The following SMG6 variants were observed in gnomAD, a reference collection of about 807,000 sequenced individuals.
The protein encoded by SMG6 is telomerase-binding protein EST1A.
SMG6 carries 66 observed loss-of-function variants against 142.2 expected under a neutral mutation model. The observed-to-expected ratio is 0.46, with a 90% CI of 0.38 to 0.57. The LOEUF (loss-of-function observed/expected upper bound fraction) is 0.57, where lower values mean the gene tolerates loss of function less well. Ranked by LOEUF, SMG6 falls within the 20% of genes least tolerant of loss-of-function variation. The probability of loss-of-function intolerance (pLI) is 0.00; values close to 1 mark genes in which losing one functional copy is unlikely to be tolerated. For synonymous variants in SMG6, 779 were observed against 702.4 expected, an observed-to-expected ratio of 1.11 and a Z score of -1.72; for missense variants, 1,793 against 1,832.0, an observed-to-expected ratio of 0.98 and a Z score of 0.39.
intron 10 of SMG6, among the ~76,000 whole-genome samples, chr17:2,235,348 A>G (rs1320387098): frequency 6.6e-6 from 1 of 152,190 alleles, no homozygotes; most frequent in South Asian, 2.1e-4. Context: ...GAACCCAGAC[A>G]CACTCTGAGA....
intron 13 of SMG6, among the ~76,000 whole-genome samples, chr17:2,138,169 G>A (rs2070365706): frequency 6.6e-6 from 1 of 151,804 alleles, no homozygotes; most frequent in African/African-American, 2.4e-5. Flanking sequence ...AAAACACCCT[G>A]GAATTTCAGA....
intron 1 of SMG6, chr17:2,302,937 G>A (rs1408639954): frequency 1.1e-5 from 11 of 982,972 alleles, no homozygotes; most frequent in Non-Finnish European, 1.3e-5. Context: ...CCTAGAGAAG[G>A]CACCTATCAC....
chr17:2,247,462 C>A (rs903572728), intron 8 of SMG6, among the ~76,000 whole-genome samples: 3 of 152,126 alleles, frequency 2.0e-5, no homozygotes, highest in Admixed American at 1.3e-4. Flanking sequence ...CTATTTATAT[C>A]CTAAGTCTTT....
intron 8 of SMG6, among the ~76,000 whole-genome samples, chr17:2,252,922 G>GA (rs149268903): frequency 5.7e-4 from 82 of 145,060 alleles, no homozygotes; most frequent in Admixed American, 1.8e-3. Context: ...TTTAATGGCT[G>GA]AAAAAAAAAA....
intron 10 of SMG6, among the ~76,000 whole-genome samples, chr17:2,189,115 C>G (rs1050022753): frequency 1.5e-4 from 23 of 152,138 alleles, no homozygotes. Flanking sequence ...CAGAACAGTG[C>G]TTGGCACATA....
At chr17:2,065,218 A>C in intron 17 of SMG6, 64 bp from the exon 18 acceptor site, 1 of 1,359,434 alleles carries the variant, frequency 7.4e-7, no homozygotes, top group Non-Finnish European at 1.0e-6. Flanking sequence ...GAGGAGGAGG[A>C]GGGATCCTCT....
chr17:2,218,251 A>T (rs1257120628), intron 10 of SMG6, among the ~76,000 whole-genome samples: 7 of 151,860 alleles, frequency 4.6e-5, no homozygotes, highest in African/African-American at 1.7e-4. Flanking sequence ...TTAGTAAAAA[A>T]ATAAGATAAC....
chr17:2,174,208 G>A (rs1019248656), intron 12 of SMG6, among the ~76,000 whole-genome samples: 1 of 152,160 alleles, frequency 6.6e-6, no homozygotes, highest in Non-Finnish European at 1.5e-5. Flanking sequence ...AGACCAGCCT[G>A]GGCAACACAG....
intron 13 of SMG6, among the ~76,000 whole-genome samples, chr17:2,092,088 C>T (rs1253813911): frequency 1.3e-5 from 2 of 151,868 alleles, no homozygotes; most frequent in Admixed American, 1.3e-4. Flanking sequence ...CGGGTTGAAG[C>T]GATTCTCCTG....
intron 13 of SMG6, among the ~76,000 whole-genome samples, chr17:2,105,527 G>A (rs538973999): frequency 1.3e-5 from 2 of 152,058 alleles, no homozygotes; most frequent in East Asian, 3.9e-4. Context: ...TGAGCAACAA[G>A]AGCAAAACTC....
chr17:2,150,039 C>T (rs552057265), intron 13 of SMG6, among the ~76,000 whole-genome samples: 6 of 152,278 alleles, frequency 3.9e-5, no homozygotes, highest in Admixed American at 6.5e-5. Flanking sequence ...TCCCAGCCCC[C>T]GGGGTTGTGG....
At chr17:2,127,743 T>C (rs1455769332) in intron 13 of SMG6, 4 of 559,492 alleles carry the variant, frequency 7.1e-6, no homozygotes, top group Non-Finnish European at 1.1e-5. Flanking sequence ...TTAACTGATG[T>C]AGTTTGAGTT....
At chr17:2,091,209 T>G (rs542987923) in intron 13 of SMG6, among the ~76,000 whole-genome samples, 54 of 151,996 alleles carry the variant, frequency 3.6e-4, no homozygotes, top group African/African-American at 1.3e-3. Context: ...ACACAAGAAA[T>G]AAAAAATACC....
At position 2,184,374 on chromosome 17, in the gene SMG6, A is replaced by G. The variant is rs542869253; in HGVS notation, c.3155+2289T>C. Reference sequence around the variant, plus strand: ...CAAGACTCTGGGGGGAAAAAAAAAAAGGGCCAGATGGGGTGGCTCACACCT... The same window carrying G: ...CAAGACTCTGGGGGGAAAAAAAAAAGGGGCCAGATGGGGTGGCTCACACCT... On this transcript the variant is annotated intron_variant, in intron 12 of 18. Transcript: ENST00000263073. Among the ~76,000 whole-genome samples the G allele has an allele frequency of 2.9e-4, 43 of 148,918 alleles. No individual in the cohort carries two copies. The South Asian group carries it at 8.4e-3, about 29-fold the overall frequency.
chr17:2,210,450 C>T (rs1389506570), intron 10 of SMG6, among the ~76,000 whole-genome samples: 1 of 151,650 alleles, frequency 6.6e-6, no homozygotes, highest in Non-Finnish European at 1.5e-5. Flanking sequence ...AATAAACTTG[C>T]GATTCCAGGT....
intron 15 of SMG6, among the ~76,000 whole-genome samples, chr17:2,073,633 CA>C (rs2151408983): frequency 6.9e-6 from 1 of 144,018 alleles, no homozygotes; most frequent in Middle Eastern, 4.4e-3. Context: ...TGCTTGAACC[CA>C]GGCAGCAGAG....
intron 13 of SMG6, among the ~76,000 whole-genome samples, chr17:2,096,624 G>A (rs563172314): frequency 6.6e-6 from 1 of 152,164 alleles, no homozygotes; most frequent in East Asian, 1.9e-4. Context: ...GGAGTTGCAG[G>A]TGTGAGCCGC....
chr17:2,261,438 T>TAA (rs1463657965), intron 8 of SMG6, among the ~76,000 whole-genome samples: 1 of 152,208 alleles, frequency 6.6e-6, no homozygotes, highest in Admixed American at 6.5e-5. Flanking sequence ...CTTTTCTGTG[T>TAA]ATATATATTT....
intron 10 of SMG6, among the ~76,000 whole-genome samples, chr17:2,198,771 C>CA (rs1471325932): frequency 6.6e-6 from 1 of 151,946 alleles, no homozygotes; most frequent in South Asian, 2.1e-4. Flanking sequence ...AAGGGTTACT[C>CA]AGTCACTTGG....
Sources: gnomAD v4.1 joint callset for allele counts (sites outside exome capture counted in the v4.1 genomes callset) on GRCh38, gnomAD v4.1.1 for gene constraint, MANE v1.5 for transcripts, NCBI Gene and HGNC (gene_info 2026-07-23, HGNC 2026-07-21) for gene names.